LAMA5: variants seen among roughly 807,000 people sequenced by gnomAD.
LAMA5 encodes laminin subunit alpha-5.
In LAMA5, 260 loss-of-function variants were observed where a neutral mutation model predicts 433.4. That is an observed-to-expected ratio of 0.60 (90% CI 0.54 to 0.66). The LOEUF (loss-of-function observed/expected upper bound fraction) is 0.66. Among genes scored for constraint, LAMA5 ranks in the 30% least tolerant of loss-of-function variants. The pLI, the probability that LAMA5 is intolerant of heterozygous loss-of-function variation, is 0.00. For synonymous variants in LAMA5, 2,620 were observed against 2,226.6 expected, an observed-to-expected ratio of 1.18 and a Z score of -4.97; for missense variants, 5,378 against 5,258.5, an observed-to-expected ratio of 1.02 and a Z score of -0.70.
chr20:62,340,648 G>A (rs1030582637), intron 11 of LAMA5, among the ~76,000 whole-genome samples: 3 of 152,034 alleles, frequency 2.0e-5, no homozygotes, highest in African/African-American at 4.8e-5. Context: ...GTACTCCATA[G>A]AGAACACACA....
In LAMA5 at chr20:62,323,475, C is replaced by T. The variant is rs778311652; in HGVS notation, c.6045G>A (p.Leu2015=). 8 of 1,544,560 alleles carry T rather than the reference C, an allele frequency of 5.2e-6. No homozygotes were observed. Among genetic ancestry groups the T allele is most frequent in the Non-Finnish European group, 1.7e-6 (2 of 1,146,282 alleles). ...GCCTACGGGTGCAGTTGCCGGGCAGCAGGGCGTTGCCGTAGAAGCCGGGGG... is the reference window on the plus strand; with the variant it reads ...GCCTACGGGTGCAGTTGCCGGGCAGTAGGGCGTTGCCGTAGAAGCCGGGGG... ...ICAPGFYGNA[L]LPGNCTRCDC... is the part of the protein sequence containing the mutation. The change falls in exon 45 of 80, where the codon CTG becomes CTA. Residue 2015 remains leucine, a synonymous_variant. Coordinates refer to ENST00000252999, the MANE Select transcript of LAMA5 (RefSeq NM_005560.6).
At chr20:62,333,806 A>G (rs1198303555) in intron 23 of LAMA5, 95 bp downstream of exon 23, 2 of 1,185,726 alleles carry the variant, frequency 1.7e-6, no homozygotes, top group African/African-American at 3.5e-5. Context: ...TACCACCCAC[A>G]TGAGCCAGAG....
intron 78 of LAMA5, 74 bp downstream of exon 78, chr20:62,309,914 C>T: frequency 1.2e-6 from 2 of 1,606,140 alleles, no homozygotes; most frequent in Non-Finnish European, 1.7e-6. Context: ...CCACCCCACC[C>T]AGAGTCCCGC....
chr20:62,317,829 A>C, intron 53 of LAMA5, 51 bp from the exon 54 acceptor site: 2 of 920,322 alleles, frequency 2.2e-6, no homozygotes, highest in Non-Finnish European at 3.0e-6. Flanking sequence ...GAAAAGAATA[A>C]AGGATGTGAT....
Position 62,319,710 on chromosome 20 carries a change from A to C in LAMA5, c.6845T>G (p.Ile2282Ser), listed in dbSNP as rs549846584. Residue 2282 changes from isoleucine (I) to serine (S), a missense_variant, in exon 51 of 80, where the codon ATC becomes AGC. Ile to Ser is a moderately radical substitution (Grantham distance 142, BLOSUM62 -2). Coordinates refer to ENST00000252999, the MANE Select transcript of LAMA5 (RefSeq NM_005560.6). Reference sequence around the variant, plus strand: ...GCTCAGGGTGCGGTCCACAGCCCGGATGGCCGCCAACAGCGTCTTCGCATG... The same window carrying C: ...GCTCAGGGTGCGGTCCACAGCCCGGCTGGCCGCCAACAGCGTCTTCGCATG... ...LGHAKTLLAA[I>S]RAVDRTLSEL... 6.5e-7 allele frequency: 1 copy of C among 1,545,932 alleles called. No homozygotes were observed. The highest frequency in any genetic ancestry group is 1.2e-5 in the South Asian group (1 of 84,090).
intron 11 of LAMA5, among the ~76,000 whole-genome samples, chr20:62,344,234 G>A (rs903428194): frequency 5.3e-5 from 8 of 150,208 alleles, no homozygotes; most frequent in Non-Finnish European, 7.4e-5. Flanking sequence ...TGTATGTCCC[G>A]TCATGAAAGG....
Position 62,314,624 on chromosome 20 carries a change from C to T in LAMA5, c.8298G>A (p.Leu2766=). 1 of 1,612,518 alleles carries T rather than the reference C, an allele frequency of 6.2e-7. No homozygotes were observed. The highest frequency in any genetic ancestry group is 8.5e-7 in the Non-Finnish European group (1 of 1,179,924). ...LAAYTALKFY[L]QGPEPEPGQG... ...GCCCAGGCTCAGGCTCTGGGCCCTG[C>T]AGGTAGAACTTGAGGGCAGTGTAGG... Residue 2766 remains leucine (L), a synonymous_variant, in exon 61 of 80, where the codon CTG becomes CTA. Coordinates refer to ENST00000252999, the MANE Select transcript of LAMA5 (RefSeq NM_005560.6).
At position 62,323,533 on chromosome 20, in the gene LAMA5, C is replaced by A; in HGVS notation, c.5987G>T (p.Arg1996Leu). 1 of 1,582,788 alleles carries A rather than the reference C, an allele frequency of 6.3e-7. No individual in the cohort carries two copies. Among genetic ancestry groups the A allele is most frequent in the Non-Finnish European group, 8.6e-7 (1 of 1,167,338 alleles). Residue 1996 changes from arginine (R) to leucine (L), a missense_variant, in exon 45 of 80, where the codon CGC (arginine) becomes CTC (leucine). By Grantham distance (102) the Arg-to-Leu change is moderately radical (BLOSUM62 -2). Transcript: ENST00000252999. The part of the protein sequence containing the change: ...PLTGACRGCL[R>L]HTTGPRCEIC... ...CTCGCAGCGGGGCCCAGTGGTGTGG[C>A]GCAGGCAGCCACGGCAGGCGCCCGT...
At chr20:62,357,427 C>T (rs1985404394) in intron 2 of LAMA5, among the ~76,000 whole-genome samples, 1 of 152,198 alleles carries the variant, frequency 6.6e-6, no homozygotes. Flanking sequence ...CCAGCCCAGC[C>T]CTTGCCCGCT....
At chr20:62,330,433 C>A in intron 31 of LAMA5, 55 bp downstream of exon 31, 1 of 1,472,372 alleles carries the variant, frequency 6.8e-7, no homozygotes. Context: ...GTGGCGCCGG[C>A]ATTCCAGCCT....
In LAMA5 at chr20:62,322,313, T is replaced by C. The variant is rs1277270992; in HGVS notation, c.6302A>G (p.Glu2101Gly). 1 of 1,600,218 alleles carries C rather than the reference T, an allele frequency of 6.2e-7. No homozygotes were observed. The highest frequency in any genetic ancestry group is 1.3e-5 in the African/African-American group (1 of 74,496). The change falls in exon 47 of 80, where the codon GAG (glutamate) becomes GGG (glycine). Residue 2101 changes from glutamate (E) to glycine (G), a missense_variant. Physicochemically the swap from Glu to Gly is moderately conservative, Grantham distance 98. Coordinates refer to ENST00000252999, the MANE Select transcript of LAMA5 (RefSeq NM_005560.6). ...GAGCCCCCAGTAGCCAGGGGCACACTCGCGGCACTGGGGTCCCATGGTCCC... is the reference window on the plus strand; with the variant it reads ...GAGCCCCCAGTAGCCAGGGGCACACCCGCGGCACTGGGGTCCCATGGTCCC... ...RPGTMGPQCR[E>G]CAPGYWGLPE... is the part of the protein sequence containing the mutation.
In LAMA5 at chr20:62,333,155, G is replaced by A. The variant is rs1256118723; in HGVS notation, c.3217C>T (p.Arg1073Trp). The change falls in exon 26 of 80, where the codon CGG (arginine) becomes TGG (tryptophan). Residue 1073 changes from arginine to tryptophan, a missense_variant. Arg to Trp is a moderately radical substitution (Grantham distance 101, BLOSUM62 -3). Transcript: ENST00000252999. ...CTGAGCTGCTCCGTGGGGCAGGGCC[G>A]GGGCAGGCTGTTGTCCTGGCGACAC... ...ALCRQDNSLP[R>W]PCPTEQLSPS... is the part of the protein sequence containing the mutation. The A allele has an allele frequency of 5.9e-6, 9 of 1,513,124 alleles. No individual in the cohort carries two copies. Among genetic ancestry groups the A allele is most frequent in the East Asian group, 4.6e-5 (2 of 43,696 alleles). The allele number at this position is 1,513,124 out of a possible 1,614,324, so 93.7% of individuals were successfully genotyped here.
intron 1 of LAMA5, 144 bp downstream of exon 1, chr20:62,366,805 G>T (rs1601446797): frequency 5.3e-6 from 6 of 1,139,454 alleles, no homozygotes; most frequent in Non-Finnish European, 6.6e-6. Context: ...CCGGGTCGGG[G>T]TGCCTTCTTG....
rs766777832 is a variant in LAMA5 at position 62,332,477 on chromosome 20, G to C, written c.3447C>G (p.Thr1149=). 4.3e-6 allele frequency: 7 copies of C among 1,612,164 alleles called. 1 individual carries two copies. The Admixed American group carries it at 1.2e-4, about 27-fold the overall frequency. The part of the protein sequence containing the change: ...LLSLHPCLYS[T]LCRGTARDTQ... ...TATCCCGGGCAGTGCCCCGGCACAG[G>C]GTGCTGTGGGGGGAGGGTGGTCAGC... is the stretch of plus-strand genomic sequence containing the variant. Residue 1149 remains threonine (T), a synonymous_variant, in exon 28 of 80, where the codon ACC becomes ACG. Coordinates refer to ENST00000252999, the MANE Select transcript of LAMA5 (RefSeq NM_005560.6).
At position 62,366,609 on chromosome 20, in the gene LAMA5, G is replaced by A. The variant is rs897627465; in HGVS notation, c.297+340C>T. Among the ~76,000 whole-genome samples, 18 of 152,196 alleles carry A rather than the reference G, an allele frequency of 1.2e-4. 1 individual carries two copies. Among genetic ancestry groups the A allele is most frequent in the Admixed American group, 8.5e-4 (13 of 15,288 alleles). On this transcript the variant is annotated intron_variant, in intron 1 of 79. Coordinates refer to ENST00000252999, the MANE Select transcript of LAMA5 (RefSeq NM_005560.6). ...CCCCTCCCCACCGGCAGCAGGCGGC[G>A]GAGGCCAAGTCCCGCCCTCCCCGGG...
In LAMA5 at chr20:62,315,548, C is replaced by T. The variant is rs766071618; in HGVS notation, c.7868-341G>A. Among the ~76,000 whole-genome samples the T allele has an allele frequency of 3.3e-5, 5 of 152,224 alleles. No homozygotes were observed. In the East Asian group the frequency reaches 5.8e-4, roughly 18 times the overall value. On this transcript the variant is annotated intron_variant, in intron 58 of 79. Transcript: ENST00000252999. The stretch of plus-strand genomic sequence containing the variant: ...CCCTCAGAAACTGGGTGAGGCACAT[C>T]GTCCTCTGCTCCAAGCCTCTCAGGG...
intron 23 of LAMA5, 86 bp downstream of exon 23, chr20:62,333,815 A>T (rs1980983294): frequency 1.2e-6 from 1 of 832,698 alleles, no homozygotes; most frequent in African/African-American, 2.8e-5. Context: ...CATGAGCCAG[A>T]GGAAGGTGGC....
At chr20:62,350,738 A>ATG (rs1220026501) in intron 6 of LAMA5, among the ~76,000 whole-genome samples, 7 of 151,978 alleles carry the variant, frequency 4.6e-5, no homozygotes, top group Non-Finnish European at 8.8e-5. Context: ...CTGCACTGCC[A>ATG]CCCTAGGGTG....
In LAMA5 at chr20:62,334,582, C is replaced by A; in HGVS notation, c.2522G>T (p.Cys841Phe). The A allele has an allele frequency of 3.9e-6, 6 of 1,548,410 alleles. No individual in the cohort carries two copies. The highest frequency in any genetic ancestry group is 5.2e-6 in the Non-Finnish European group (6 of 1,146,774). ...CDIGGALGQS[C>F]EPRTGVCRCR... Reference sequence around the variant, plus strand: ...CCGGCAGACGCCCGTCCTCGGTTCACAGCTCTGGCCCAGTGCACCGCCAAT... The same window carrying A: ...CCGGCAGACGCCCGTCCTCGGTTCAAAGCTCTGGCCCAGTGCACCGCCAAT... The change falls in exon 21 of 80, where the codon TGT (cysteine) becomes TTT (phenylalanine). Residue 841 changes from cysteine (C) to phenylalanine (F), a missense_variant. Physicochemically the swap from Cys to Phe is radical, Grantham distance 205. Transcript: ENST00000252999.
Sources: gnomAD v4.1 joint callset for allele counts (sites outside exome capture counted in the v4.1 genomes callset) on GRCh38, gnomAD v4.1.1 for gene constraint, MANE v1.5 for transcripts, NCBI Gene and HGNC (gene_info 2026-07-23, HGNC 2026-07-21) for gene names.